The following SFI1 variants were observed in gnomAD, a reference collection of about 807,000 sequenced individuals.
SFI1 encodes the protein SFI1 centrin binding protein.
In SFI1, 195 loss-of-function variants were observed where a neutral mutation model predicts 207.5. The observed-to-expected ratio is 0.94, with a 90% confidence interval of 0.84 to 1.06. The LOEUF is 1.06. Among genes scored for constraint, SFI1 ranks in the 50% least tolerant of loss-of-function variants. The pLI is 0.00. For missense variants in SFI1, 1,634 were observed against 1,588.0 expected, an observed-to-expected ratio of 1.03 and a Z score of -0.49; for synonymous variants, 630 against 598.9, an observed-to-expected ratio of 1.05 and a Z score of -0.76.
At chr22:31,611,362 CAGG>C in intron 23 of SFI1, 59 bp downstream of exon 23, 1 of 1,515,172 alleles carries the variant, frequency 6.6e-7, no homozygotes, top group Non-Finnish European at 8.8e-7. Flanking sequence ...GTGTCCAGGC[CAGG>C]AGACCATTTC....
At chr22:31,568,226 A>ATTTT (rs373038766) in intron 8 of SFI1, among the ~76,000 whole-genome samples, 3 of 111,956 alleles carry the variant, frequency 2.7e-5, no homozygotes, top group African/African-American at 9.6e-5. Flanking sequence ...ATATATATAT[A>ATTTT]TTTTTTTTTT....
At chr22:31,540,529 C>G (rs2059383591) in intron 4 of SFI1, among the ~76,000 whole-genome samples, 1 of 151,628 alleles carries the variant, frequency 6.6e-6, no homozygotes, top group African/African-American at 2.4e-5. Flanking sequence ...ATCCACCCAC[C>G]TTGACCTCCC....
chr22:31,577,022 A>T (rs999246000), intron 10 of SFI1, among the ~76,000 whole-genome samples: 2 of 152,134 alleles, frequency 1.3e-5, no homozygotes, highest in Admixed American at 6.6e-5. Flanking sequence ...TCATCCACAC[A>T]TTTTATTTGT....
At chr22:31,522,736 A>G (rs1223093599) in intron 2 of SFI1, among the ~76,000 whole-genome samples, 1 of 151,912 alleles carries the variant, frequency 6.6e-6, no homozygotes, top group African/African-American at 2.4e-5. Flanking sequence ...GCTCACTGCA[A>G]CCTCTGCCTC....
chr22:31,523,230 A>G (rs1475888404), intron 2 of SFI1, among the ~76,000 whole-genome samples: 1 of 152,340 alleles, frequency 6.6e-6, no homozygotes, highest in East Asian at 1.9e-4. Context: ...TTCTACTGCC[A>G]GTAAATACAA....
intron 2 of SFI1, among the ~76,000 whole-genome samples, chr22:31,527,449 A>G (rs995761309): frequency 2.6e-5 from 4 of 152,332 alleles, no homozygotes; most frequent in Admixed American, 2.6e-4. Context: ...AACAAAATCT[A>G]AGAGACTGAT....
At chr22:31,500,643 G>C (rs998736473) in intron 1 of SFI1, among the ~76,000 whole-genome samples, 1 of 151,828 alleles carries the variant, frequency 6.6e-6, no homozygotes, top group Non-Finnish European at 1.5e-5. Flanking sequence ...TTTTAGTAGA[G>C]ACAGGGTTTT....
intron 8 of SFI1, 65 bp from the exon 9 acceptor site, chr22:31,572,993 T>TC: frequency 6.5e-7 from 1 of 1,538,832 alleles, no homozygotes; most frequent in East Asian, 2.3e-5. Context: ...CTTTTCCCTC[T>TC]CCACCTGTAC....
At chr22:31,547,941 A>G (rs1487837936) in intron 5 of SFI1, among the ~76,000 whole-genome samples, 9 of 145,220 alleles carry the variant, frequency 6.2e-5, no homozygotes, top group Middle Eastern at 3.4e-3. Flanking sequence ...GTGGCCGGGC[A>G]TGGTGGCTCA....
chr22:31,505,646 A>T (rs1056758285), intron 1 of SFI1, among the ~76,000 whole-genome samples: 1 of 151,880 alleles, frequency 6.6e-6, no homozygotes, highest in Non-Finnish European at 1.5e-5. Flanking sequence ...GCACTTTGGG[A>T]GGCTAAGGTG....
chr22:31,512,257 A>G (rs986702775), intron 2 of SFI1, among the ~76,000 whole-genome samples: 1 of 151,252 alleles, frequency 6.6e-6, no homozygotes, highest in Admixed American at 6.6e-5. Context: ...GGGGAGGCTG[A>G]GGCAGAAGAA....
At chr22:31,580,027 T>C (rs1403889463) in intron 11 of SFI1, 1 of 411,006 alleles carries the variant, frequency 2.4e-6, no homozygotes, top group Admixed American at 4.1e-5. Context: ...TCTTGTGCAG[T>C]ATAGATGGAC....
chr22:31,522,803 G>A lies in SFI1; in HGVS notation c.93-5887G>A, dbSNP rs951897545. On this transcript the variant is annotated intron_variant, in intron 2 of 32. Transcript: ENST00000400288. ...CCCAAGTAGCTAGGACTACAGGCGT[G>A]TGCCACCATGCCCAGCTAATTTTTG... is the stretch of plus-strand genomic sequence containing the variant. 2.6e-5 allele frequency among the ~76,000 whole-genome samples: 4 copies of A among 152,074 alleles called. No homozygotes were observed. The East Asian group carries it at 7.7e-4, about 29-fold the overall frequency.
intron 24 of SFI1, chr22:31,612,870 T>C: frequency 2.1e-6 from 1 of 483,520 alleles, no homozygotes. Context: ...TTGTCCTGTT[T>C]TCACCATTCC....
chr22:31,576,119 G>A (rs973227150), intron 10 of SFI1, among the ~76,000 whole-genome samples: 3 of 151,584 alleles, frequency 2.0e-5, no homozygotes, highest in African/African-American at 7.3e-5. Flanking sequence ...CCGCCTCCCA[G>A]GTTCAAGCGA....
At chr22:31,594,892 G>T (rs116637306) in intron 15 of SFI1, among the ~76,000 whole-genome samples, 3,373 of 150,282 alleles carry the variant, frequency 0.022, 120 homozygotes, top group African/African-American at 0.078. Context: ...AAAGCTCAAG[G>T]AGCAGATCTA....
chr22:31,557,976 T>C (rs5998042), intron 7 of SFI1, among the ~76,000 whole-genome samples: 54,094 of 152,056 alleles, frequency 0.36, 10,468 homozygotes, highest in East Asian at 0.51. Context: ...ATATTAATAA[T>C]TCACTTCCTG....
At chr22:31,544,888 C>A (rs1466763493) in intron 4 of SFI1, among the ~76,000 whole-genome samples, 1 of 152,074 alleles carries the variant, frequency 6.6e-6, no homozygotes, top group South Asian at 2.1e-4. Flanking sequence ...TATCTATTTT[C>A]CCTCTTTTTA....
rs1235536807 is a variant in SFI1 at position 31,497,796 on chromosome 22, T to TA, written c.-31+1161dup. Among the ~76,000 whole-genome samples, 5 of 152,348 alleles carry TA rather than the reference T, an allele frequency of 3.3e-5. No homozygotes were observed. The East Asian group carries it at 9.6e-4, about 29-fold the overall frequency. ...TTACAGTGTGGTTTACTGAATATTTTAAGCCTACTATCGAGACCTACTGTT... is the reference window on the plus strand; with the variant it reads ...TTACAGTGTGGTTTACTGAATATTTTAAAGCCTACTATCGAGACCTACTGTT... On this transcript the variant is annotated intron_variant, in intron 1 of 32. Coordinates refer to ENST00000400288, the MANE Select transcript of SFI1 (RefSeq NM_001007467.3).
Sources: gnomAD v4.1 joint callset for allele counts (sites outside exome capture counted in the v4.1 genomes callset) on GRCh38, gnomAD v4.1.1 for gene constraint, MANE v1.5 for transcripts, NCBI Gene and HGNC (gene_info 2026-07-23, HGNC 2026-07-21) for gene names.